The following ERBB3 variants were observed in gnomAD, a reference collection of about 807,000 sequenced individuals.
The protein encoded by ERBB3 is receptor tyrosine-protein kinase erbB-3.
Under a neutral mutation model 156.7 loss-of-function variants are expected in ERBB3, and 96 were observed. That is an observed-to-expected ratio of 0.61 (90% confidence interval 0.52 to 0.73). The LOEUF is 0.73. Among genes scored for constraint, ERBB3 ranks in the 30% least tolerant of loss-of-function variants. The probability of loss-of-function intolerance (pLI) is 0.00; values close to 1 mark genes in which losing one functional copy is unlikely to be tolerated. For synonymous variants in ERBB3, 567 were observed against 632.0 expected, an observed-to-expected ratio of 0.90 and a Z score of 1.54; for missense variants, 1,406 against 1,709.4, an observed-to-expected ratio of 0.82 and a Z score of 3.13.
At chr12:56,088,438 A>G in intron 7 of ERBB3, 105 bp from the exon 8 acceptor site, 1 of 967,838 alleles carries the variant, frequency 1.0e-6, no homozygotes, top group Non-Finnish European at 1.7e-6. Context: ...ATGGGGACAA[A>G]TCCAGTGCAG....
Position 56,101,937 on chromosome 12 carries a change from A to G in ERBB3, c.3911A>G (p.His1304Arg). The G allele has an allele frequency of 1.2e-6, 2 of 1,613,404 alleles. No homozygotes were observed. The highest frequency in any genetic ancestry group is 8.5e-7 in the Non-Finnish European group (1 of 1,179,774). The change falls in exon 28 of 28, where the codon CAT becomes CGT. Residue 1304 changes from histidine (H) to arginine (R), a missense_variant. His to Arg is a conservative substitution (Grantham distance 29). This residue lies in a region of ERBB3 where 415 missense variants were observed against 454.1 expected (regional missense o/e 0.91). Transcript: ENST00000267101. Reference protein sequence around the residue: ...AFQGPGHQAPHVHYARLKTLR... With the variant: ...AFQGPGHQAPRVHYARLKTLR... ...CAGGGGCCTGGACATCAGGCCCCCC[A>G]TGTCCATTATGCCCGCCTAAAAACT... is the stretch of plus-strand genomic sequence containing the variant.
At position 56,098,398 on chromosome 12, in the gene ERBB3, C is replaced by A. The variant is rs530593671; in HGVS notation, c.2617-102C>A. On this transcript the variant is annotated intron_variant, in intron 21 of 27. Coordinates refer to ENST00000267101, the MANE Select transcript of ERBB3 (RefSeq NM_001982.4). Reference sequence around the variant, plus strand: ...CTGCACTCCAGTCTGGGCGACAGAGCGAGACTCCGTCTCAAAAAAAAAAAA... The same window carrying A: ...CTGCACTCCAGTCTGGGCGACAGAGAGAGACTCCGTCTCAAAAAAAAAAAA... The A allele has an allele frequency of 6.1e-5, 55 of 897,960 alleles. 1 individual carries two copies. Among genetic ancestry groups the A allele is most frequent in the Middle Eastern group, 3.2e-4 (1 of 3,108 alleles). 55.6% of individuals were successfully genotyped at this position (897,960 alleles called of 1,614,324 possible). A position where few individuals can be genotyped will look rare whatever the true frequency, so the allele number is the denominator to read the frequency against.
chr12:56,102,825 AAAAAAAAAAC>A lies in ERBB3; in HGVS notation c.*771_*780del. ...TCTCTTTAAAAAAAAAAAAAAAAAA[AAAAAAAAAAC>A]TTTAGAACTGGGTGCAGTGGCTCAT... On this transcript the variant is annotated 3_prime_UTR_variant, in exon 28 of 28. Transcript: ENST00000267101. The A allele has an allele frequency of 4.7e-6, 1 of 214,950 alleles. No homozygotes were observed. Among genetic ancestry groups the A allele is most frequent in the Non-Finnish European group, 9.3e-6 (1 of 107,014 alleles). 13.3% of individuals were successfully genotyped at this position (214,950 alleles called of 1,614,324 possible).
At chr12:56,095,218 G>A (rs1336458426) in intron 15 of ERBB3, 39 bp from the exon 16 acceptor site, 7 of 1,518,834 alleles carry the variant, frequency 4.6e-6, no homozygotes, top group African/African-American at 1.4e-5. Context: ...AGCCTCTGCT[G>A]TCCAAGCTCT....
rs77228285 is a variant in ERBB3, at chr12:56,085,025, G to A, written c.265G>A (p.Val89Met). The change falls in exon 3 of 28, where the codon GTG becomes ATG. Residue 89 changes from valine to methionine, a missense_variant. Physicochemically the swap from Val to Met is conservative, Grantham distance 21. Coordinates refer to ENST00000267101, the MANE Select transcript of ERBB3 (RefSeq NM_001982.4). Reference protein sequence around the residue: ...WIREVTGYVLVAMNEFSTLPL... With the variant: ...WIREVTGYVLMAMNEFSTLPL... The stretch of plus-strand genomic sequence containing the variant: ...TCGAGAAGTGACAGGCTATGTCCTC[G>A]TGGCCATGAATGAATTCTCTACTCT... 4.6e-5 allele frequency: 74 copies of A among 1,613,952 alleles called. No individual in the cohort carries two copies. The highest frequency in any genetic ancestry group is 5.3e-5 in the Non-Finnish European group (63 of 1,180,022).
In ERBB3 at chr12:56,101,325, G is replaced by A. The variant is rs1345775291; in HGVS notation, c.3466G>A (p.Val1156Ile). 11 of 1,614,100 alleles carry A rather than the reference G, an allele frequency of 6.8e-6. No individual in the cohort carries two copies. Among genetic ancestry groups the A allele is most frequent in the Non-Finnish European group, 9.3e-6 (11 of 1,180,048 alleles). The change falls in exon 27 of 28, where the codon GTC (valine) becomes ATC (isoleucine). Residue 1156 changes from valine to isoleucine, a missense_variant. Val to Ile is a conservative substitution (Grantham distance 29, BLOSUM62 3). This residue lies in a region of ERBB3 where 415 missense variants were observed against 454.1 expected (regional missense o/e 0.91). Coordinates refer to ENST00000267101, the MANE Select transcript of ERBB3 (RefSeq NM_001982.4). ...LSPPGLEEED[V>I]NGYVMPDTHL... ...CCCACCCGGGTTAGAGGAAGAGGAT[G>A]TCAACGGTTATGTCATGCCAGATAC...
In ERBB3 at chr12:56,087,806, A is replaced by G; in HGVS notation, c.625A>G (p.Ile209Val). The G allele has an allele frequency of 6.2e-7, 1 of 1,613,928 alleles. No homozygotes were observed. Among genetic ancestry groups the G allele is most frequent in the Non-Finnish European group, 8.5e-7 (1 of 1,179,858 alleles). The change falls in exon 6 of 28, where the codon ATC (isoleucine) becomes GTC (valine). Residue 209 changes from isoleucine to valine, a missense_variant. By Grantham distance (29) the Ile-to-Val change is conservative (BLOSUM62 3). Around this residue, in one of 3 missense-constraint regions of ERBB3, gnomAD observed 979 missense variants for 1,219.6 expected, o/e 0.80. Transcript: ENST00000267101. ...CTCTCCTTCCATAGTGACCAAGACC[A>G]TCTGTGCTCCTCAGTGTAATGGTCA... Reference protein sequence around the residue: ...SEDCQTLTKTICAPQCNGHCF... With the variant: ...SEDCQTLTKTVCAPQCNGHCF...
intron 7 of ERBB3, 73 bp from the exon 8 acceptor site, chr12:56,088,469 CA>C: frequency 8.3e-7 from 1 of 1,202,982 alleles, no homozygotes; most frequent in Non-Finnish European, 1.2e-6. Flanking sequence ...AGCCTAGGCC[CA>C]GAGCAAGGGT....
intron 21 of ERBB3, 27 bp downstream of exon 21, chr12:56,097,967 C>G (rs775791630): frequency 3.1e-6 from 5 of 1,610,458 alleles, no homozygotes; most frequent in African/African-American, 1.3e-5. Context: ...GGTAAGGAGG[C>G]GGGGGTGGAG....
Position 56,103,398 on chromosome 12 carries a change from C to G in ERBB3, c.*1343C>G, listed in dbSNP as rs1869191248. 4.6e-6 allele frequency: 1 copy of G among 217,316 alleles called. No homozygotes were observed. Among genetic ancestry groups the G allele is most frequent in the African/African-American group, 2.3e-5 (1 of 44,394 alleles). The allele number at this position is 217,316 out of a possible 1,614,324, so 13.5% of individuals were successfully genotyped here. A position where few individuals can be genotyped will look rare whatever the true frequency, so the allele number is the denominator to read the frequency against. The stretch of plus-strand genomic sequence containing the variant: ...AAAAAGATCCAGCTTCAGCTGCACA[C>G]CTCTGTCCCCTTGGATGGGGAACTA... On this transcript the variant is annotated 3_prime_UTR_variant, in exon 28 of 28. Transcript: ENST00000267101.
chr12:56,102,062 C>CTATCATAAT lies in ERBB3; in HGVS notation c.*8_*9insATCATAATT. 6.2e-7 allele frequency: 1 copy of CTATCATAAT among 1,605,048 alleles called. No homozygotes were observed. The highest frequency in any genetic ancestry group is 8.5e-7 in the Non-Finnish European group (1 of 1,179,650). The stretch of plus-strand genomic sequence containing the variant: ...TAATGCCCAGAGAACGTAACTCCTG[C>CTATCATAAT]TCCCTGTGGCACTCAGGGAGCATTT... On this transcript the variant is annotated 3_prime_UTR_variant, in exon 28 of 28. Coordinates refer to ENST00000267101, the MANE Select transcript of ERBB3 (RefSeq NM_001982.4).
intron 3 of ERBB3, among the ~76,000 whole-genome samples, chr12:56,085,807 C>T (rs1381357079): frequency 1.3e-5 from 2 of 149,126 alleles, no homozygotes; most frequent in African/African-American, 5.0e-5. Context: ...CGGTGGCTCA[C>T]GCCTGTAATC....
chr12:56,088,956 T>C (rs2136799590), intron 9 of ERBB3, 88 bp downstream of exon 9: 1 of 1,531,064 alleles, frequency 6.5e-7, no homozygotes, highest in Non-Finnish European at 9.0e-7. Context: ...TATGTGGAGC[T>C]GACTAGGAAT....
chr12:56,088,017 C>T lies in ERBB3; in HGVS notation c.733-4C>T, dbSNP rs2136794858. On this transcript the variant is annotated splice_region_variant and splice_polypyrimidine_tract_variant and intron_variant, in intron 6 of 27. Coordinates refer to ENST00000267101, the MANE Select transcript of ERBB3 (RefSeq NM_001982.4). The stretch of plus-strand genomic sequence containing the variant: ...TAAATCTGATGAGCCTCCTTTTTTC[C>T]CAGGCCTGCCGGCACTTCAATGACA... 6.2e-7 allele frequency: 1 copy of T among 1,614,080 alleles called. No individual in the cohort carries two copies. Among genetic ancestry groups the T allele is most frequent in the South Asian group, 1.1e-5 (1 of 91,074 alleles).
At chr12:56,090,793 T>C (rs932768731) in intron 9 of ERBB3, among the ~76,000 whole-genome samples, 2 of 152,206 alleles carry the variant, frequency 1.3e-5, no homozygotes, top group Admixed American at 6.5e-5. Context: ...ACCCCTGTTA[T>C]ATTTCAGCGT....
Position 56,096,744 on chromosome 12 carries a change from C to T in ERBB3, c.2176-4C>T, listed in dbSNP as rs754698641. The T allele has an allele frequency of 1.7e-5, 27 of 1,612,836 alleles. No individual in the cohort carries two copies. In the South Asian group the frequency reaches 3.0e-4, roughly 18 times the overall value. ...TATGCCAACTCCTGCCCCAAACTTC[C>T]CAGGGAGTGTGGATCCCTGAGGGTG... On this transcript the variant is annotated splice_polypyrimidine_tract_variant and splice_region_variant and intron_variant, in intron 18 of 27. Transcript: ENST00000267101.
intron 2 of ERBB3, among the ~76,000 whole-genome samples, chr12:56,084,656 C>T (rs1022776868): frequency 2.8e-4 from 42 of 150,056 alleles, no homozygotes; most frequent in African/African-American, 1.0e-3. Context: ...CGAGACCAGC[C>T]TGACCAACAT....
rs1868829019 is a variant in ERBB3 at position 56,094,491 on chromosome 12, C to A, written c.1794C>A (p.Gly598=). 6.2e-7 allele frequency: 1 copy of A among 1,614,058 alleles called. No homozygotes were observed. The highest frequency in any genetic ancestry group is 8.5e-7 in the Non-Finnish European group (1 of 1,180,006). ...CCCATGGAGTCCTAGGTGCCAAGGG[C>A]CCAATCTACAAGTACCCAGATGTTC... ...SCPHGVLGAK[G]PIYKYPDVQN... is the part of the protein sequence containing the mutation. The change falls in exon 15 of 28, where the codon GGC becomes GGA. Residue 598 remains glycine (G), a synonymous_variant. Coordinates refer to ENST00000267101, the MANE Select transcript of ERBB3 (RefSeq NM_001982.4).
rs2136826053 is a variant in ERBB3, at chr12:56,099,955, G to A, written c.3055G>A (p.Glu1019Lys). The stretch of plus-strand genomic sequence containing the variant: ...CCTAGACCTAGACTTGGAAGCAGAG[G>A]AGGACAACCTGGCAACCACCACACT... Reference protein sequence around the residue: ...LDLDLDLEAEEDNLATTTLGS... With the variant: ...LDLDLDLEAEKDNLATTTLGS... Residue 1019 changes from glutamate (E) to lysine (K), a missense_variant, in exon 25 of 28, where the codon GAG becomes AAG. By Grantham distance (56) the Glu-to-Lys change is moderately conservative. Transcript: ENST00000267101. 1 of 1,614,222 alleles carries A rather than the reference G, an allele frequency of 6.2e-7. No individual in the cohort carries two copies. The highest frequency in any genetic ancestry group is 8.5e-7 in the Non-Finnish European group (1 of 1,180,040).
Sources: allele counts gnomAD v4.1 joint callset (sites outside exome capture counted in the v4.1 genomes callset), GRCh38; gene constraint gnomAD v4.1.1; regional missense constraint gnomAD v4.1.1; transcripts MANE v1.5; gene names NCBI Gene and HGNC (gene_info 2026-07-23, HGNC 2026-07-21).